Variants in FOXN3 observed in about 807,000 individuals in gnomAD.
FOXN3 encodes the protein forkhead box N3.
In FOXN3, 7 loss-of-function variants were observed where a neutral mutation model predicts 38.4. The ratio of observed to expected loss-of-function variants is 0.18; its 90% CI spans 0.10 to 0.34. FOXN3 has a LOEUF of 0.34. FOXN3 is among the 10% of genes least tolerant of loss of function. FOXN3 has a pLI of 1.00. For synonymous variants in FOXN3, 230 were observed against 242.2 expected (o/e 0.95, Z 0.47); for missense variants, 456 against 613.4 (o/e 0.74, Z 2.71).
At chr14:89,413,656 A>AGAAGG (rs59949057) in intron 1 of FOXN3, among the ~76,000 whole-genome samples, 6 of 130,074 alleles carry the variant, frequency 4.6e-5, no homozygotes, top group Non-Finnish European at 8.0e-5. Flanking sequence ...AAGGTAAGGA[A>AGAAGG]GAAGGGAAGG....
chr14:89,453,202 A>T (rs1892651285), intron 1 of FOXN3, among the ~76,000 whole-genome samples: 1 of 151,926 alleles, frequency 6.6e-6, no homozygotes, highest in African/African-American at 2.4e-5. Flanking sequence ...TCCGTCTCAA[A>T]AAAAAAGAAC....
chr14:89,417,746 A>AC, upstream of FOXN3: 1 of 455,376 alleles, frequency 2.2e-6, no homozygotes, highest in Non-Finnish European at 4.4e-6. Flanking sequence ...TCCTGATAGG[A>AC]CCCCCAGGGC....
intron 4 of FOXN3, among the ~76,000 whole-genome samples, chr14:89,247,162 C>A (rs1885323479): frequency 6.6e-6 from 1 of 152,174 alleles, no homozygotes; most frequent in Admixed American, 6.5e-5. Flanking sequence ...CATAATTTTT[C>A]AAAATTCTCC....
At chr14:89,486,783 A>G (rs1392056698) in intron 1 of FOXN3, 1 of 152,208 alleles carries the variant, frequency 6.6e-6, no homozygotes, top group Non-Finnish European at 1.5e-5. Flanking sequence ...CACTTCAGTG[A>G]AAAAGCCAAT....
chr14:89,319,449 G>A (rs1272372410), intron 3 of FOXN3, among the ~76,000 whole-genome samples: 4 of 152,208 alleles, frequency 2.6e-5, no homozygotes, highest in South Asian at 2.1e-4. Flanking sequence ...GTTTGCAAGG[G>A]AAGAGCCTCA....
At chr14:89,530,083 G>C (rs7141821) in intron 1 of FOXN3, among the ~76,000 whole-genome samples, 2 of 151,974 alleles carry the variant, frequency 1.3e-5, no homozygotes, top group Admixed American at 6.6e-5. Flanking sequence ...AGGATTACAG[G>C]TGTGTGCCAC....
At chr14:89,488,104 T>TA (rs1255262506) in intron 1 of FOXN3, among the ~76,000 whole-genome samples, 1 of 147,016 alleles carries the variant, frequency 6.8e-6, no homozygotes, top group African/African-American at 2.6e-5. Context: ...TTTTTTTTTT[T>TA]AAGACAGAGT....
intron 1 of FOXN3, among the ~76,000 whole-genome samples, chr14:89,534,781 T>C (rs916483636): frequency 1.3e-5 from 2 of 152,170 alleles, no homozygotes; most frequent in African/African-American, 4.8e-5. Flanking sequence ...CATCAAGGTA[T>C]GAGAACGGAT....
At chr14:89,220,359 G>A (rs1179071136) in intron 4 of FOXN3, among the ~76,000 whole-genome samples, 1 of 152,180 alleles carries the variant, frequency 6.6e-6, no homozygotes, top group Non-Finnish European at 1.5e-5. Context: ...AATGGGCTGA[G>A]GATTAAATGA....
chr14:89,492,196 A>G (rs1199242241), intron 1 of FOXN3, among the ~76,000 whole-genome samples: 1 of 152,226 alleles, frequency 6.6e-6, no homozygotes, highest in Non-Finnish European at 1.5e-5. Context: ...AACGTTATGT[A>G]AACTCTCTCC....
intron 4 of FOXN3, among the ~76,000 whole-genome samples, chr14:89,198,733 G>A (rs993406566): frequency 2.0e-5 from 3 of 152,190 alleles, no homozygotes; most frequent in African/African-American, 7.2e-5. Context: ...CAGCGTAAAG[G>A]ACAGCCCTCA....
chr14:89,211,865 C>T (rs1419638320), intron 4 of FOXN3, among the ~76,000 whole-genome samples: 1 of 152,160 alleles, frequency 6.6e-6, no homozygotes, highest in Admixed American at 6.5e-5. Context: ...TTATGTCTCC[C>T]TAAAATTCAT....
At chr14:89,460,715 G>A (rs1224224094) in intron 1 of FOXN3, among the ~76,000 whole-genome samples, 1 of 152,124 alleles carries the variant, frequency 6.6e-6, no homozygotes, top group Non-Finnish European at 1.5e-5. Flanking sequence ...AATCCACAAA[G>A]AGGCATGTCT....
intron 1 of FOXN3, among the ~76,000 whole-genome samples, chr14:89,559,403 C>T (rs984558729): frequency 2.0e-5 from 3 of 151,900 alleles, no homozygotes; most frequent in African/African-American, 7.3e-5. Flanking sequence ...TAAGGCCGGG[C>T]GTGGTGGCTC....
chr14:89,582,343 A>G (rs1393273410), intron 1 of FOXN3, among the ~76,000 whole-genome samples: 1 of 152,182 alleles, frequency 6.6e-6, no homozygotes, highest in Admixed American at 6.5e-5. Context: ...ATTTATATTA[A>G]TAGCCATGCA....
At position 89,209,839 on chromosome 14, in the gene FOXN3, G is replaced by A. The variant is rs115495801; in HGVS notation, c.746-29033C>T. On this transcript the variant is annotated intron_variant, in intron 4 of 5. Transcript: ENST00000557258. ...CAACAACGGTATTTAATTGGGCCTA[G>A]TGCATTTGCATCTCAATATAAAGTC... Among the ~76,000 whole-genome samples the A allele has an allele frequency of 4.6e-3, 703 of 152,286 alleles. 5 individuals are homozygous for A. Among genetic ancestry groups the A allele is most frequent in the African/African-American group, 0.016 (679 of 41,544 alleles).
At chr14:89,251,103 G>T (rs749246587) in intron 4 of FOXN3, among the ~76,000 whole-genome samples, 11 of 152,176 alleles carry the variant, frequency 7.2e-5, no homozygotes, top group Non-Finnish European at 1.6e-4. Flanking sequence ...ATTAGTATTT[G>T]AAAGTGCTGG....
At chr14:89,225,695 T>A (rs1349779558) in intron 4 of FOXN3, among the ~76,000 whole-genome samples, 1 of 152,218 alleles carries the variant, frequency 6.6e-6, no homozygotes, top group Non-Finnish European at 1.5e-5. Flanking sequence ...CCTCCCTCAC[T>A]GTCCTGAAGC....
At position 89,163,024 on chromosome 14, in the gene FOXN3, A is replaced by C; in HGVS notation, c.852-55T>G. ...GGAGACAAAGAAGGGACACAGTTAGACGTCCTCAGATGGGGGCACCCGGCA... is the reference window on the plus strand; with the variant it reads ...GGAGACAAAGAAGGGACACAGTTAGCCGTCCTCAGATGGGGGCACCCGGCA... On this transcript the variant is annotated intron_variant, in intron 5 of 5. Transcript: ENST00000557258. This position sits in a 1 kb window ranked among gnomAD's most constrained non-coding sequence, Gnocchi z 4.3. The C allele has an allele frequency of 6.9e-7, 1 of 1,454,024 alleles. No homozygotes were observed. The highest frequency in any genetic ancestry group is 9.1e-7 in the Non-Finnish European group (1 of 1,101,936). 90.1% of individuals were successfully genotyped at this position (1,454,024 alleles called of 1,614,324 possible). A position where few individuals can be genotyped will look rare whatever the true frequency, so the allele number is the denominator to read the frequency against.
Sources: gnomAD v4.1 joint callset for allele counts (sites outside exome capture counted in the v4.1 genomes callset) on GRCh38, gnomAD v4.1.1 for gene constraint, Gnocchi (gnomAD v3.1) non-coding constraint, MANE v1.5 for transcripts, NCBI Gene and HGNC (gene_info 2026-07-23, HGNC 2026-07-21) for gene names.